Variants in GRIK1 observed in about 807,000 individuals in gnomAD.
The protein encoded by GRIK1 is glutamate receptor ionotropic, kainate 1.
A neutral mutation model predicts 105.7 loss-of-function variants in GRIK1; 69 were observed. The ratio of observed to expected loss-of-function variants is 0.65; its 90% CI spans 0.54 to 0.80. The LOEUF is 0.80. GRIK1 is among the 30% of genes least tolerant of loss of function. The pLI is 0.00. For missense variants in GRIK1, 1,109 were observed against 1,167.3 expected (o/e 0.95, Z 0.73); for synonymous variants, 438 against 431.3 (o/e 1.02, Z -0.19).
At chr21:29,810,817 A>T (rs1174734916) in intron 1 of GRIK1, among the ~76,000 whole-genome samples, 1 of 152,122 alleles carries the variant, frequency 6.6e-6, no homozygotes, top group African/African-American at 2.4e-5. Flanking sequence ...TTCATCAAGC[A>T]TCTATTTTCA....
chr21:29,915,608 C>T (rs184118972), intron 1 of GRIK1, among the ~76,000 whole-genome samples: 24 of 151,922 alleles, frequency 1.6e-4, no homozygotes, highest in African/African-American at 2.9e-4. Flanking sequence ...CTGTTTACTG[C>T]GGGAACATGT....
At chr21:29,839,199 G>T (rs2067901583) in intron 1 of GRIK1, among the ~76,000 whole-genome samples, 1 of 152,028 alleles carries the variant, frequency 6.6e-6, no homozygotes, top group South Asian at 2.1e-4. Flanking sequence ...ACAAGCACAT[G>T]CCACCATGCT....
At chr21:29,601,268 A>G (rs1302009593) in intron 7 of GRIK1, 1 of 496,684 alleles carries the variant, frequency 2.0e-6, no homozygotes, top group East Asian at 5.6e-5. Flanking sequence ...AGAACAGGAG[A>G]TTACATCATC....
intron 1 of GRIK1, among the ~76,000 whole-genome samples, chr21:29,794,974 G>A (rs2066516745): frequency 6.7e-6 from 1 of 150,076 alleles, no homozygotes; most frequent in African/African-American, 2.5e-5. Context: ...AGAATGTAAG[G>A]TCACCCTGGC....
intron 1 of GRIK1, among the ~76,000 whole-genome samples, chr21:29,922,372 CTG>C (rs1569220872): frequency 6.6e-6 from 1 of 152,036 alleles, no homozygotes; most frequent in Non-Finnish European, 1.5e-5. Flanking sequence ...ATGCCAAACA[CTG>C]TTAAAAAATA....
chr21:29,820,297 A>G (rs2067265571), intron 1 of GRIK1, among the ~76,000 whole-genome samples: 1 of 152,042 alleles, frequency 6.6e-6, no homozygotes, highest in African/African-American at 2.4e-5. Flanking sequence ...TGTTTTTATC[A>G]AGATCACCAT....
intron 12 of GRIK1, among the ~76,000 whole-genome samples, chr21:29,582,778 AT>A (rs1451599333): frequency 1.3e-5 from 2 of 152,144 alleles, no homozygotes; most frequent in African/African-American, 4.8e-5. Flanking sequence ...GCCATTTGCC[AT>A]TGGGTCTTTT....
At chr21:29,801,796 A>G (rs1340953353) in intron 1 of GRIK1, among the ~76,000 whole-genome samples, 1 of 152,178 alleles carries the variant, frequency 6.6e-6, no homozygotes, top group Non-Finnish European at 1.5e-5. Context: ...CCCAGTGATA[A>G]TTATAACCTA....
At chr21:29,663,641 T>A (rs1180701816) in intron 4 of GRIK1, among the ~76,000 whole-genome samples, 1 of 152,188 alleles carries the variant, frequency 6.6e-6, no homozygotes, top group Non-Finnish European at 1.5e-5. Flanking sequence ...TGTAACAGAT[T>A]TTTTTTGGCT....
chr21:29,710,633 T>A (rs1245361426), intron 1 of GRIK1, among the ~76,000 whole-genome samples: 1 of 152,058 alleles, frequency 6.6e-6, no homozygotes, highest in Non-Finnish European at 1.5e-5. Flanking sequence ...TCTATTTCAA[T>A]GACTATTTTT....
intron 1 of GRIK1, among the ~76,000 whole-genome samples, chr21:29,724,320 G>A (rs1402033476): frequency 6.6e-6 from 1 of 150,880 alleles, no homozygotes. Context: ...TTCCTATGTT[G>A]TAGGCGAGAG....
chr21:29,715,256 G>A (rs769911123), intron 1 of GRIK1, among the ~76,000 whole-genome samples: 12 of 152,082 alleles, frequency 7.9e-5, no homozygotes, highest in Admixed American at 2.0e-4. Context: ...AGTGACTGCC[G>A]GTGGTCAGTC....
intron 1 of GRIK1, among the ~76,000 whole-genome samples, chr21:29,857,661 A>T (rs374672817): frequency 1.2e-4 from 18 of 152,212 alleles, no homozygotes; most frequent in East Asian, 3.8e-4. Flanking sequence ...TTACATGGAA[A>T]ACTTAACAAA....
chr21:29,848,901 C>G (rs1201195257), intron 1 of GRIK1, among the ~76,000 whole-genome samples: 2 of 150,762 alleles, frequency 1.3e-5, no homozygotes, highest in South Asian at 2.1e-4. Context: ...TCATTTATTC[C>G]ACCCTATTCA....
chr21:29,912,949 C>T lies in GRIK1; in HGVS notation c.118+26434G>A, dbSNP rs192268539. On this transcript the variant is annotated intron_variant, in intron 1 of 17. Transcript: ENST00000327783. Reference sequence around the variant, plus strand: ...TCACTTAGCCAATGGCACAAGAATCCAGAAATAACATTCTTCATTACAAGA... The same window carrying T: ...TCACTTAGCCAATGGCACAAGAATCTAGAAATAACATTCTTCATTACAAGA... 1.1e-3 allele frequency among the ~76,000 whole-genome samples: 166 copies of T among 152,154 alleles called. 1 individual carries two copies. The highest frequency in any genetic ancestry group is 1.7e-3 in the Non-Finnish European group (118 of 67,942).
intron 1 of GRIK1, among the ~76,000 whole-genome samples, chr21:29,804,238 C>T (rs959982311): frequency 1.3e-5 from 2 of 152,060 alleles, no homozygotes; most frequent in African/African-American, 4.8e-5. Flanking sequence ...AAAACATCAA[C>T]CAAGGCAAGG....
rs567368580 is a variant in GRIK1 at position 29,842,287 on chromosome 21, T to A, written c.118+97096A>T. On this transcript the variant is annotated intron_variant, in intron 1 of 17. Coordinates refer to ENST00000327783, the MANE Select transcript of GRIK1 (RefSeq NM_001330994.2). ...AGTTCATCTCCCCGTTTCTGTTTAT[T>A]TTCATAGTGATTTGCAACTATACTG... 3.3e-5 allele frequency among the ~76,000 whole-genome samples: 5 copies of A among 152,252 alleles called. No homozygotes were observed. In the South Asian group the frequency reaches 6.2e-4, roughly 19 times the overall value.
At position 29,651,144 on chromosome 21, in the gene GRIK1, T is replaced by G; in HGVS notation, c.928A>C (p.Thr310Pro). The change falls in exon 6 of 18, where the codon ACT becomes CCT. Residue 310 changes from threonine (T) to proline (P), a missense_variant. Thr to Pro is a conservative substitution (Grantham distance 38, BLOSUM62 -1). This residue lies in a region of GRIK1 where 612 missense variants were observed against 586.0 expected (regional missense o/e 1.04). Coordinates refer to ENST00000327783, the MANE Select transcript of GRIK1 (RefSeq NM_001330994.2). ...ERLQAPPRPETGLLDGMMTTE... is the reference protein window; with the variant it reads ...ERLQAPPRPEPGLLDGMMTTE... Reference sequence around the variant, plus strand: ...GTCATCATGCCATCCAAAAGGCCAGTCTCGGGCCTGGGTGGGGCCTGCAGT... The same window carrying G: ...GTCATCATGCCATCCAAAAGGCCAGGCTCGGGCCTGGGTGGGGCCTGCAGT... 3.1e-6 allele frequency: 5 copies of G among 1,611,264 alleles called. No homozygotes were observed. Among genetic ancestry groups the G allele is most frequent in the Non-Finnish European group, 4.2e-6 (5 of 1,179,186 alleles).
chr21:29,854,347 C>T (rs1402778300), intron 1 of GRIK1, among the ~76,000 whole-genome samples: 2 of 152,084 alleles, frequency 1.3e-5, no homozygotes, highest in South Asian at 2.1e-4. Context: ...CACCCCCCCA[C>T]CAAGCCCCAC....
Sources: allele counts gnomAD v4.1 joint callset (sites outside exome capture counted in the v4.1 genomes callset), GRCh38; gene constraint gnomAD v4.1.1; regional missense constraint gnomAD v4.1.1; transcripts MANE v1.5; gene names NCBI Gene and HGNC (gene_info 2026-07-23, HGNC 2026-07-21).